ALMS1: variants seen among roughly 807,000 people sequenced by gnomAD.
The protein encoded by ALMS1 is centrosome-associated protein ALMS1.
Under a neutral mutation model 352.2 loss-of-function variants are expected in ALMS1, and 271 were observed. That is an observed-to-expected ratio of 0.77 (90% CI 0.70 to 0.85). The LOEUF is 0.85. Among genes scored for constraint, ALMS1 ranks in the 40% least tolerant of loss-of-function variants. ALMS1 has a pLI of 0.00. For missense variants in ALMS1, 5,445 were observed against 4,870.7 expected, an observed-to-expected ratio of 1.12 and a Z score of -3.51; for synonymous variants, 1,865 against 1,761.2, an observed-to-expected ratio of 1.06 and a Z score of -1.48.
chr2:73,452,916 A>G lies in ALMS1; in HGVS notation c.6389A>G (p.Gln2130Arg). Residue 2130 changes from glutamine to arginine, a missense_variant, in exon 8 of 23, where the codon CAG becomes CGG. Transcript: ENST00000613296. ...TCAACAATTCCTGGACCAGCTGGCC[A>G]GAAAACAGTATTACCAACAGCTCTT... ...KVSTIPGPAG[Q>R]KTVLPTALPS... 1.2e-6 allele frequency: 2 copies of G among 1,613,890 alleles called. No homozygotes were observed. Among genetic ancestry groups the G allele is most frequent in the Non-Finnish European group, 1.7e-6 (2 of 1,179,990 alleles).
chr2:73,440,697 T>C (rs1042377293), intron 7 of ALMS1, among the ~76,000 whole-genome samples: 1 of 152,214 alleles, frequency 6.6e-6, no homozygotes, highest in African/African-American at 2.4e-5. Flanking sequence ...AGTGCTGGGA[T>C]TATAGGCGTG....
chr2:73,523,710 T>C (rs2103970292), intron 11 of ALMS1, among the ~76,000 whole-genome samples: 1 of 151,816 alleles, frequency 6.6e-6, no homozygotes, highest in Middle Eastern at 3.4e-3. Context: ...GAGGTTGCAG[T>C]AAGCAGAGAT....
intron 9 of ALMS1, among the ~76,000 whole-genome samples, chr2:73,466,627 AACTT>A (rs1672352575): frequency 6.6e-6 from 1 of 152,126 alleles, no homozygotes; most frequent in African/African-American, 2.4e-5. Context: ...TGTACCCTAA[AACTT>A]AAAGTATAAT....
intron 13 of ALMS1, among the ~76,000 whole-genome samples, chr2:73,554,604 T>C (rs191726021): frequency 6.6e-6 from 1 of 151,420 alleles, no homozygotes; most frequent in East Asian, 1.9e-4. Context: ...TCCCAGCTAC[T>C]CAGGAGGCTG....
At chr2:73,421,156 AT>A (rs1179911172) in intron 3 of ALMS1, among the ~76,000 whole-genome samples, 3 of 152,202 alleles carry the variant, frequency 2.0e-5, no homozygotes, top group Non-Finnish European at 4.4e-5. Flanking sequence ...ATTCTTAAAT[AT>A]TTAAGGAGAT....
intron 12 of ALMS1, among the ~76,000 whole-genome samples, chr2:73,541,789 A>G (rs887977459): frequency 5.9e-5 from 9 of 152,238 alleles, no homozygotes; most frequent in Non-Finnish European, 1.5e-5. Context: ...AAATTCCTCA[A>G]CACATATACC....
chr2:73,508,997 A>G (rs771174042), intron 10 of ALMS1, among the ~76,000 whole-genome samples: 7 of 151,010 alleles, frequency 4.6e-5, no homozygotes, highest in Non-Finnish European at 8.9e-5. Context: ...GTCTTTTTTG[A>G]TCTTTGTTGG....
At chr2:73,526,695 T>C (rs1385569084) in intron 11 of ALMS1, among the ~76,000 whole-genome samples, 1 of 152,194 alleles carries the variant, frequency 6.6e-6, no homozygotes, top group African/African-American at 2.4e-5. Context: ...TTTACAAATA[T>C]AAGATTGTAT....
In ALMS1 at chr2:73,450,103, C is replaced by G. The variant is rs1671899045; in HGVS notation, c.3576C>G (p.Tyr1192Ter). 2.5e-6 allele frequency: 4 copies of G among 1,613,900 alleles called. No individual in the cohort carries two copies. The highest frequency in any genetic ancestry group is 3.4e-6 in the Non-Finnish European group (4 of 1,179,972). Residue 1192 changes from tyrosine to a stop codon, truncating the protein, a stop_gained, in exon 8 of 23, where the codon TAC becomes TAG. Transcript: ENST00000613296. LOFTEE classifies it high-confidence loss of function. ...TWIPRVLSTF[Y>*]SQREKPGIFY... ...TACCAAGAGTACTTTCTACCTTCTA[C>G]TCACAAAGAGAGAAACCTGGTATTT...
intron 1 of ALMS1, among the ~76,000 whole-genome samples, chr2:73,407,514 A>C (rs1288926737): frequency 6.6e-6 from 1 of 152,214 alleles, no homozygotes; most frequent in Non-Finnish European, 1.5e-5. Context: ...AATTAAAATA[A>C]TGTTTTTATA....
rs765275016 is a variant in ALMS1 at position 73,449,575 on chromosome 2, G to A, written c.3048G>A (p.Glu1016=). 8.7e-6 allele frequency: 14 copies of A among 1,613,928 alleles called. No homozygotes were observed. In the East Asian group the frequency reaches 2.9e-4, roughly 33 times the overall value. ...AGCCCAGTATTTTCTATCAACAGGA[G>A]TGGCCAGATAGTTATGCAACTGAAA... ...REKPSIFYQQ[E]WPDSYATEKA... is the part of the protein sequence containing the mutation. The change falls in exon 8 of 23, where the codon GAG becomes GAA. Residue 1016 remains glutamate, a synonymous_variant. Coordinates refer to ENST00000613296, the MANE Select transcript of ALMS1 (RefSeq NM_001378454.1).
intron 1 of ALMS1, among the ~76,000 whole-genome samples, chr2:73,405,579 A>G (rs1670957108): frequency 6.8e-6 from 1 of 146,002 alleles, no homozygotes; most frequent in Admixed American, 6.7e-5. Flanking sequence ...TCTTTTCTTT[A>G]TCTTTGCTCT....
At chr2:73,502,169 A>T (rs1673232376) in intron 10 of ALMS1, among the ~76,000 whole-genome samples, 1 of 151,892 alleles carries the variant, frequency 6.6e-6, no homozygotes, top group South Asian at 2.1e-4. Flanking sequence ...CTACTGTGGG[A>T]TGTTTTAGGG....
At chr2:73,523,756 G>A (rs895077012) in intron 11 of ALMS1, among the ~76,000 whole-genome samples, 51 of 151,718 alleles carry the variant, frequency 3.4e-4, no homozygotes, top group Non-Finnish European at 2.5e-4. Flanking sequence ...GACAGAGTGA[G>A]ACTCCTTCCC....
rs55889738 is a variant in ALMS1 at position 73,385,903 on chromosome 2, TGGAGGAGGAGGAGGAGGAGGAGGA to T, written c.51_74del (p.Glu21_Glu28del). The T allele has an allele frequency of 4.4e-5, 31 of 701,270 alleles. No individual in the cohort carries two copies. The highest frequency in any genetic ancestry group is 2.0e-4 in the Admixed American group (9 of 45,918). The allele number at this position is 701,270 out of a possible 1,614,324, so 43.4% of individuals were successfully genotyped here. A position where few individuals can be genotyped will look rare whatever the true frequency, so the allele number is the denominator to read the frequency against. ...GAGGATCTGCCATGGCCGGGCGAGC[TGGAGGAGGAGGAGGAGGAGGAGGA>T]GGAGGAGGAGGAGGAAGAGGAGGAG... On this transcript the variant is annotated inframe_deletion, in exon 1 of 23. Coordinates refer to ENST00000613296, the MANE Select transcript of ALMS1 (RefSeq NM_001378454.1).
chr2:73,513,638 T>TC (rs1314111829), intron 10 of ALMS1, among the ~76,000 whole-genome samples: 1 of 152,098 alleles, frequency 6.6e-6, no homozygotes, highest in Non-Finnish European at 1.5e-5. Flanking sequence ...GTATTTTCCT[T>TC]CTCTACTGCA....
chr2:73,465,056 A>T (rs1274284714), intron 9 of ALMS1, among the ~76,000 whole-genome samples: 1 of 152,192 alleles, frequency 6.6e-6, no homozygotes, highest in Non-Finnish European at 1.5e-5. Flanking sequence ...ATCCCCATCA[A>T]GCTACCAGTG....
chr2:73,469,953 C>G (rs1354421337), intron 9 of ALMS1: 2 of 151,760 alleles, frequency 1.3e-5, no homozygotes, highest in Non-Finnish European at 3.0e-5. Flanking sequence ...ATAAACAGTT[C>G]CAATACACTA....
intron 12 of ALMS1, among the ~76,000 whole-genome samples, chr2:73,549,546 A>G (rs535205920): frequency 6.6e-6 from 1 of 152,246 alleles, no homozygotes; most frequent in East Asian, 1.9e-4. Context: ...AGTGTCCACT[A>G]TTTTTAAATA....
Sources: gnomAD v4.1 joint callset for allele counts (sites outside exome capture counted in the v4.1 genomes callset) on GRCh38, gnomAD v4.1.1 for gene constraint, MANE v1.5 for transcripts, NCBI Gene and HGNC (gene_info 2026-07-23, HGNC 2026-07-21) for gene names.